COL6A1: variants seen among roughly 807,000 people sequenced by gnomAD.
COL6A1 encodes collagen type VI alpha 1 chain, also known as collagen alpha-1(VI) chain.
COL6A1 carries 80 observed loss-of-function variants against 145.6 expected under a neutral mutation model. The ratio of observed to expected loss-of-function variants is 0.55; its 90% CI spans 0.46 to 0.66. The LOEUF (loss-of-function observed/expected upper bound fraction) is 0.66, where lower values mean the gene tolerates loss of function less well. Among genes scored for constraint, COL6A1 ranks in the 30% least tolerant of loss-of-function variants. COL6A1 has a pLI of 0.00. For missense variants in COL6A1, 1,364 were observed against 1,473.8 expected, an observed-to-expected ratio of 0.93 and a Z score of 1.22; for synonymous variants, 638 against 622.8, an observed-to-expected ratio of 1.02 and a Z score of -0.36.
chr21:45,989,284 C>T, intron 9 of COL6A1, 147 bp downstream of exon 9: 1 of 895,166 alleles, frequency 1.1e-6, no homozygotes, highest in Admixed American at 2.8e-5. Flanking sequence ...CTGGAGGGGC[C>T]ACAGCCCAGC....
chr21:46,003,300 C>T (rs561288510), intron 34 of COL6A1, 91 bp from the exon 35 acceptor site: 7 of 1,603,380 alleles, frequency 4.4e-6, no homozygotes, highest in East Asian at 4.5e-5. Flanking sequence ...CGTGCCGTGC[C>T]CTCTCTGGGG....
In COL6A1 at chr21:45,994,295, C is replaced by A; in HGVS notation, c.1398+66C>A. 7.0e-7 allele frequency: 1 copy of A among 1,428,506 alleles called. No individual in the cohort carries two copies. Among genetic ancestry groups the A allele is most frequent in the Non-Finnish European group, 9.7e-7 (1 of 1,030,244 alleles). 88.5% of individuals were successfully genotyped at this position (1,428,506 alleles called of 1,614,324 possible). A position where few individuals can be genotyped will look rare whatever the true frequency, so the allele number is the denominator to read the frequency against. On this transcript the variant is annotated intron_variant, in intron 20 of 34. Coordinates refer to ENST00000361866, the MANE Select transcript of COL6A1 (RefSeq NM_001848.3). The surrounding 1 kb of genome is among the most constrained non-coding windows in gnomAD (Gnocchi z 6.8). ...GGTTTTGGGGGTAGAAGTGCTCCAG[C>A]AGCTCACGCACTGGGGGTCTGTTCA...
At chr21:45,992,601 T>C (rs2077783148) in intron 18 of COL6A1, 147 bp from the exon 19 acceptor site, 4 of 1,033,098 alleles carry the variant, frequency 3.9e-6, no homozygotes. Context: ...GATTCCGGCC[T>C]CTGCAACCGT....
In COL6A1 at chr21:45,983,660, G is replaced by T. The variant is rs574152647; in HGVS notation, c.228-609G>T. On this transcript the variant is annotated intron_variant, in intron 2 of 34. Transcript: ENST00000361866. Reference sequence around the variant, plus strand: ...GGCCAGGCCCGTGCGGCAGTGTTTGGGGGGGGGTCTGGCTGTGGATGGCAC... The same window carrying T: ...GGCCAGGCCCGTGCGGCAGTGTTTGTGGGGGGGTCTGGCTGTGGATGGCAC... Among the ~76,000 whole-genome samples, 8 of 151,786 alleles carry T rather than the reference G, an allele frequency of 5.3e-5. No homozygotes were observed. In the East Asian group the frequency reaches 5.8e-4, roughly 11 times the overall value.
chr21:45,989,521 G>A, intron 9 of COL6A1, 87 bp from the exon 10 acceptor site: 1 of 1,379,274 alleles, frequency 7.3e-7, no homozygotes, highest in Non-Finnish European at 1.0e-6. Context: ...CCAGGCCTGG[G>A]CTGGAGGGAG....
chr21:46,003,250 G>A (rs992365831), intron 34 of COL6A1, 101 bp downstream of exon 34: 8 of 1,605,660 alleles, frequency 5.0e-6, no homozygotes, highest in East Asian at 4.5e-5. Flanking sequence ...TGGCGGTCAC[G>A]AGAGTAGGTG....
In COL6A1 at chr21:45,989,467, C is replaced by G. The variant is rs1015630193; in HGVS notation, c.859-141C>G. 1.3e-5 allele frequency: 12 copies of G among 914,430 alleles called. No individual in the cohort carries two copies. In the South Asian group the frequency reaches 1.4e-4, roughly 11 times the overall value. 56.6% of individuals were successfully genotyped at this position (914,430 alleles called of 1,614,324 possible). A position where few individuals can be genotyped will look rare whatever the true frequency, so the allele number is the denominator to read the frequency against. ...CCCCCAGCTCCACCTTGGAGGGCCTCGGCACCATGGGCCCCGTGCAGCAGG... is the reference window on the plus strand; with the variant it reads ...CCCCCAGCTCCACCTTGGAGGGCCTGGGCACCATGGGCCCCGTGCAGCAGG... On this transcript the variant is annotated intron_variant, in intron 9 of 34. Transcript: ENST00000361866.
chr21:46,004,028 C>T lies in COL6A1; in HGVS notation c.*15C>T, dbSNP rs556881555. On this transcript the variant is annotated 3_prime_UTR_variant, in exon 35 of 35. Coordinates refer to ENST00000361866, the MANE Select transcript of COL6A1 (RefSeq NM_001848.3). Reference sequence around the variant, plus strand: ...CGCTGGGCTAGCCCACCCTGCACGCCGGCACCAAACCCTGTCCTCCCACCC... The same window carrying T: ...CGCTGGGCTAGCCCACCCTGCACGCTGGCACCAAACCCTGTCCTCCCACCC... 4.8e-5 allele frequency: 77 copies of T among 1,612,980 alleles called. No homozygotes were observed. The East Asian group carries it at 6.9e-4, about 14-fold the overall frequency.
rs769559126 is a variant in COL6A1, at chr21:46,003,387, G to A, written c.2465-4G>A. On this transcript the variant is annotated splice_region_variant and splice_polypyrimidine_tract_variant and intron_variant, in intron 34 of 34. Coordinates refer to ENST00000361866, the MANE Select transcript of COL6A1 (RefSeq NM_001848.3). ...TGCTAACGGCTGCCCACCCCGCCCC[G>A]CAGTCACGTTCTCCTCCCCGGCTGA... 54 of 1,599,932 alleles carry A rather than the reference G, an allele frequency of 3.4e-5. No homozygotes were observed. Among genetic ancestry groups the A allele is most frequent in the Middle Eastern group, 1.6e-4 (1 of 6,070 alleles).
intron 4 of COL6A1, 40 bp downstream of exon 4, chr21:45,986,725 G>A (rs1569517878): frequency 2.0e-6 from 3 of 1,538,292 alleles, no homozygotes; most frequent in East Asian, 2.4e-5. Context: ...CCCAACCACA[G>A]GGAGTGGCGG....
chr21:45,992,831 C>T, intron 19 of COL6A1, 21 bp downstream of exon 19: 5 of 1,581,218 alleles, frequency 3.2e-6, no homozygotes, highest in Non-Finnish European at 4.3e-6. Flanking sequence ...GTTCCTGGAG[C>T]TGGGAACCAC....
At position 46,003,840 on chromosome 21, in the gene COL6A1, G is replaced by T. The variant is rs1223179643; in HGVS notation, c.2914G>T (p.Val972Leu). ...GCGGGCAGGCATCGAGATCTTCGTG[G>T]TGGTCGTGGGCCGCCAGGTGAATGA... ...AQRAGIEIFVVVVGRQVNEPH... is the reference protein window; with the variant it reads ...AQRAGIEIFVLVVGRQVNEPH... Residue 972 changes from valine (V) to leucine (L), a missense_variant, in exon 35 of 35, where the codon GTG (valine) becomes TTG (leucine). Physicochemically the swap from Val to Leu is conservative, Grantham distance 32. This residue lies in a region of COL6A1 where 938 missense variants were observed against 1,003.8 expected (regional missense o/e 0.93). Transcript: ENST00000361866. 6.2e-7 allele frequency: 1 copy of T among 1,602,586 alleles called. No homozygotes were observed. Among genetic ancestry groups the T allele is most frequent in the Non-Finnish European group, 8.5e-7 (1 of 1,171,770 alleles).
chr21:45,991,191 G>C, intron 15 of COL6A1, 150 bp downstream of exon 15: 2 of 868,358 alleles, frequency 2.3e-6, no homozygotes, highest in South Asian at 2.9e-5. Context: ...CTGGAGGCAG[G>C]CAGAGGAGCA....
At chr21:45,989,214 G>T in intron 9 of COL6A1, 77 bp downstream of exon 9, 7 of 1,471,890 alleles carry the variant, frequency 4.8e-6, no homozygotes, top group Non-Finnish European at 6.4e-6. Context: ...ACTTCCGGAA[G>T]AGTGGCTGGG....
At position 46,003,378 on chromosome 21, in the gene COL6A1, C is replaced by G; in HGVS notation, c.2465-13C>G. ...AGGGCCTCATGCTAACGGCTGCCCA[C>G]CCCGCCCCGCAGTCACGTTCTCCTC... On this transcript the variant is annotated splice_polypyrimidine_tract_variant and intron_variant, in intron 34 of 34. Coordinates refer to ENST00000361866, the MANE Select transcript of COL6A1 (RefSeq NM_001848.3). 1 of 1,599,862 alleles carries G rather than the reference C, an allele frequency of 6.3e-7. No individual in the cohort carries two copies. The highest frequency in any genetic ancestry group is 8.5e-7 in the Non-Finnish European group (1 of 1,179,666).
chr21:45,999,412 C>T (rs879181943), intron 26 of COL6A1, 194 bp downstream of exon 26: 7 of 743,826 alleles, frequency 9.4e-6, no homozygotes, highest in East Asian at 2.7e-5. Flanking sequence ...GCAGCAGAGC[C>T]GAGCCCAGGG....
chr21:45,985,559 A>G (rs2077734808), intron 3 of COL6A1, among the ~76,000 whole-genome samples: 1 of 152,200 alleles, frequency 6.6e-6, no homozygotes, highest in African/African-American at 2.4e-5. Context: ...GTTTTTCTGG[A>G]CTGAGGGGTT....
rs774699048 is a variant in COL6A1 at position 45,989,725 on chromosome 21, C to T, written c.904-27C>T. On this transcript the variant is annotated intron_variant, in intron 10 of 34. Coordinates refer to ENST00000361866, the MANE Select transcript of COL6A1 (RefSeq NM_001848.3). ...TTGCACAGCACTAACAAGCCTTCCT[C>T]TTCCTCTTCTTCCGCTGGGTGTGTA... is the stretch of plus-strand genomic sequence containing the variant. 4 of 1,612,998 alleles carry T rather than the reference C, an allele frequency of 2.5e-6. No homozygotes were observed. The African/African-American group carries it at 5.3e-5, about 22-fold the overall frequency.
chr21:45,998,542 G>A (rs1417053527), intron 24 of COL6A1, 109 bp downstream of exon 24: 113 of 1,445,510 alleles, frequency 7.8e-5, no homozygotes, highest in Non-Finnish European at 9.7e-5. Context: ...GCAAACACAC[G>A]GGGTACACAG....
Sources: allele counts gnomAD v4.1 joint callset (sites outside exome capture counted in the v4.1 genomes callset), GRCh38; gene constraint gnomAD v4.1.1; regional missense constraint gnomAD v4.1.1; non-coding constraint Gnocchi (gnomAD v3.1); transcripts MANE v1.5; gene names NCBI Gene and HGNC (gene_info 2026-07-23, HGNC 2026-07-21).